MTRR: variants seen among roughly 807,000 people sequenced by gnomAD.
MTRR encodes 5-methyltetrahydrofolate-homocysteine methyltransferase reductase, also known as methionine synthase reductase.
Under a neutral mutation model 79.2 loss-of-function variants are expected in MTRR, and 63 were observed. The observed-to-expected ratio is 0.80, with a 90% confidence interval of 0.65 to 0.98. The LOEUF is 0.98. MTRR is among the 50% of genes least tolerant of loss of function. MTRR has a pLI of 0.00. For missense variants in MTRR, 895 were observed against 839.6 expected (o/e 1.07, Z -0.82); for synonymous variants, 355 against 313.3 (o/e 1.13, Z -1.41).
intron 1 of MTRR, among the ~76,000 whole-genome samples, chr5:7,857,518 C>G (rs1008449637): frequency 1.3e-5 from 2 of 152,202 alleles, no homozygotes; most frequent in African/African-American, 2.4e-5. Flanking sequence ...ACTGGGTGTT[C>G]CAGCCATTGA....
Position 7,894,391 on chromosome 5 carries a change from G to C in MTRR, c.1558-1343G>C, listed in dbSNP as rs1416716541. 1.3e-5 allele frequency among the ~76,000 whole-genome samples: 2 copies of C among 152,234 alleles called. 1 individual carries two copies. The highest frequency in any genetic ancestry group is 4.1e-4 in the South Asian group (2 of 4,836). Reference sequence around the variant, plus strand: ...GGACATCTGCCACATCTAAGCAGGAGCACTAAGCCTGTGGGCGTGGTGTAG... The same window carrying C: ...GGACATCTGCCACATCTAAGCAGGACCACTAAGCCTGTGGGCGTGGTGTAG... On this transcript the variant is annotated intron_variant, in intron 11 of 14. Coordinates refer to ENST00000440940, the MANE Select transcript of MTRR (RefSeq NM_002454.3).
rs576681065 is a variant in MTRR at position 7,895,577 on chromosome 5, A to C, written c.1558-157A>C. Among the ~76,000 whole-genome samples the C allele has an allele frequency of 4.6e-5, 7 of 152,330 alleles. No individual in the cohort carries two copies. In the South Asian group the frequency reaches 1.4e-3, roughly 32 times the overall value. ...GACAAACTTCTTTCTGTAGTGACAA[A>C]TGTGCTCATGGTTTCAATAAAATCT... On this transcript the variant is annotated intron_variant, in intron 11 of 14. Transcript: ENST00000440940.
At chr5:7,881,694 C>T (rs1341805352) in intron 5 of MTRR, among the ~76,000 whole-genome samples, 1 of 152,042 alleles carries the variant, frequency 6.6e-6, no homozygotes, top group Non-Finnish European at 1.5e-5. Context: ...TGTCCCCTGG[C>T]TTAGTTCTAT....
In MTRR at chr5:7,854,432, C is replaced by T. The variant is rs900572682; in HGVS notation, n.391+2847C>T. Among the ~76,000 whole-genome samples, 8 of 151,954 alleles carry T rather than the reference C, an allele frequency of 5.3e-5. No homozygotes were observed. The East Asian group carries it at 5.8e-4, about 11-fold the overall frequency. On this transcript the variant is annotated intron_variant and non_coding_transcript_variant, in intron 1 of 3. Transcript: ENST00000502509. ...TGATCACAAGTTCCCTGTATTAGTT[C>T]GTTTTCACTCTGCTGATAAAGACAT...
At position 7,859,551 on chromosome 5, in the gene MTRR, G is replaced by C. The variant is rs898654218; in HGVS notation, n.392-2400G>C. 13 of 1,540,266 alleles carry C rather than the reference G, an allele frequency of 8.4e-6. 1 individual carries two copies. In the South Asian group the frequency reaches 1.5e-4, roughly 18 times the overall value. On this transcript the variant is annotated intron_variant and non_coding_transcript_variant, in intron 1 of 3. Transcript: ENST00000502509. Reference sequence around the variant, plus strand: ...TCATGATAGGGGATCTGTAAAGGTAGAAAAGTAAAACTGGTCAAGATCCTT... The same window carrying C: ...TCATGATAGGGGATCTGTAAAGGTACAAAAGTAAAACTGGTCAAGATCCTT...
rs1491410388 is a variant in MTRR at position 7,887,793 on chromosome 5, C to CATATATACATATAT, written c.1146+1097_1146+1098insCATATATATATATA. On this transcript the variant is annotated intron_variant, in intron 8 of 14. Coordinates refer to ENST00000440940, the MANE Select transcript of MTRR (RefSeq NM_002454.3). Reference sequence around the variant, plus strand: ...GTATATATTTGTGTGTGTGTGTGTGCATATATATATATATATATATATATA... The same window carrying CATATATACATATAT: ...GTATATATTTGTGTGTGTGTGTGTGCATATATACATATATATATATATATATATATATATATATA... Among the ~76,000 whole-genome samples, 880 of 91,956 alleles carry CATATATACATATAT rather than the reference C, an allele frequency of 9.6e-3. 66 individuals are homozygous for CATATATACATATAT. Among genetic ancestry groups the CATATATACATATAT allele is most frequent in the African/African-American group, 0.031 (574 of 18,228 alleles). 60.3% of individuals were successfully genotyped at this position (91,956 alleles called of 152,430 possible). A position where few individuals can be genotyped will look rare whatever the true frequency, so the allele number is the denominator to read the frequency against.
chr5:7,883,007 A>G (rs942785380), intron 5 of MTRR, 148 bp from the exon 6 acceptor site: 3 of 946,344 alleles, frequency 3.2e-6, no homozygotes, highest in Non-Finnish European at 3.3e-6. Context: ...AGCTAGCTCC[A>G]TATATCTGCC....
chr5:7,853,950 G>C (rs1746149291), intron 1 of MTRR, among the ~76,000 whole-genome samples: 1 of 152,210 alleles, frequency 6.6e-6, no homozygotes, highest in African/African-American at 2.4e-5. Context: ...GGTGGAATGA[G>C]ATGTGAGGCC....
upstream of MTRR, chr5:7,867,947 C>T: frequency 1.2e-6 from 2 of 1,614,118 alleles, no homozygotes; most frequent in Non-Finnish European, 1.7e-6. Flanking sequence ...TTGTCGTGAA[C>T]ACAACCAAGG....
chr5:7,890,389 A>C (rs1038825663), intron 9 of MTRR: 8 of 985,436 alleles, frequency 8.1e-6, no homozygotes, highest in Non-Finnish European at 8.4e-6. Context: ...AACCATCAGC[A>C]GGAATAGGAT....
At chr5:7,869,102 T>C (rs201815522), upstream of MTRR, 16 of 1,612,342 alleles carry the variant, frequency 9.9e-6, no homozygotes, top group Non-Finnish European at 1.4e-5. Context: ...CAGGTCCCCT[T>C]CGGAGCTTTC....
At chr5:7,882,735 A>G (rs1043130024) in intron 5 of MTRR, among the ~76,000 whole-genome samples, 3 of 152,236 alleles carry the variant, frequency 2.0e-5, no homozygotes, top group African/African-American at 7.2e-5. Context: ...TTCAGCAGCC[A>G]TATGAACAGC....
intron 9 of MTRR, chr5:7,890,431 T>A (rs1484990000): frequency 4.1e-6 from 4 of 983,802 alleles, no homozygotes; most frequent in Non-Finnish European, 1.2e-6. Flanking sequence ...TTCTAAGTAG[T>A]ATTAGAAAGT....
intron 1 of MTRR, among the ~76,000 whole-genome samples, chr5:7,860,360 A>G (rs2126589259): frequency 6.6e-6 from 1 of 152,338 alleles, no homozygotes; most frequent in South Asian, 2.1e-4. Flanking sequence ...AATATTTAAA[A>G]GGTCTTAAAT....
At chr5:7,865,468 T>C (rs927994601), upstream of MTRR, among the ~76,000 whole-genome samples, 16 of 152,134 alleles carry the variant, frequency 1.1e-4, no homozygotes, top group Admixed American at 9.8e-4. Context: ...CTAGATAAAC[T>C]AAACTCTATT....
chr5:7,874,588 C>CTTTTTTTTTTTTTTTTTT (rs5865743), intron 3 of MTRR, among the ~76,000 whole-genome samples: 1 of 108,216 alleles, frequency 9.2e-6, no homozygotes, highest in African/African-American at 3.6e-5. Context: ...GGGATTTAAG[C>CTTTTTTTTTTTTTTTTTT]TTTTTTTTTT....
upstream of MTRR, chr5:7,867,031 A>T: frequency 6.2e-7 from 1 of 1,614,176 alleles, no homozygotes; most frequent in Non-Finnish European, 8.5e-7. Context: ...GGGCTTTTGT[A>T]AAAAATGTGT....
rs574081940 is a variant in MTRR at position 7,891,259 on chromosome 5, A to G, written c.1328-113A>G. ...CTTAACTATGATTTAAAACTAGAAC[A>G]TGATTTGAGTATTCTAAATAAGACA... is the stretch of plus-strand genomic sequence containing the variant. On this transcript the variant is annotated intron_variant, in intron 9 of 14. Coordinates refer to ENST00000440940, the MANE Select transcript of MTRR (RefSeq NM_002454.3). 3.0e-5 allele frequency: 19 copies of G among 637,316 alleles called. No individual in the cohort carries two copies. The East Asian group carries it at 4.5e-4, about 15-fold the overall frequency. The allele number at this position is 637,316 out of a possible 1,614,324, so 39.5% of individuals were successfully genotyped here.
rs765348828 is a variant in MTRR at position 7,869,210 on chromosome 5, G to A, written c.-31G>A. The A allele has an allele frequency of 1.2e-6, 2 of 1,606,984 alleles. No homozygotes were observed. Among genetic ancestry groups the A allele is most frequent in the South Asian group, 1.1e-5 (1 of 91,074 alleles). ...TGCAGGTTCGTGCCCGGCTGGCGCG[G>A]CGTGGGTAAGCTGCCTGTCGGCTAC... On this transcript the variant is annotated 5_prime_UTR_variant, in exon 1 of 15. Coordinates refer to ENST00000440940, the MANE Select transcript of MTRR (RefSeq NM_002454.3).
Sources: allele counts gnomAD v4.1 joint callset (sites outside exome capture counted in the v4.1 genomes callset), GRCh38; gene constraint gnomAD v4.1.1; transcripts MANE v1.5; gene names NCBI Gene and HGNC (gene_info 2026-07-23, HGNC 2026-07-21).